APBA2: variants seen among roughly 807,000 people sequenced by gnomAD.
APBA2 encodes amyloid beta precursor protein binding family A member 2.
A neutral mutation model predicts 75.0 loss-of-function variants in APBA2; 30 were observed. That is an observed-to-expected ratio of 0.40 (90% CI 0.30 to 0.54). The LOEUF (loss-of-function observed/expected upper bound fraction) is 0.54. Ranked by LOEUF, APBA2 falls within the 20% of genes least tolerant of loss-of-function variation. The pLI, the probability that APBA2 is intolerant of heterozygous loss-of-function variation, is 0.49. For synonymous variants in APBA2, 444 were observed against 409.6 expected (o/e 1.08, Z -1.01); for missense variants, 801 against 1,016.1 (o/e 0.79, Z 2.88).
chr15:29,014,710 T>TG lies in APBA2; in HGVS notation c.-41+18904_-41+18905insG, dbSNP rs1423902011. Among the ~76,000 whole-genome samples, 84 of 151,548 alleles carry TG rather than the reference T, an allele frequency of 5.5e-4. No homozygotes were observed. The South Asian group carries it at 0.017, about 31-fold the overall frequency. ...ACTCAGTCATCATTTGACTGTTTTT[T>TG]TTTTTTTTTTTTTAAAGAGACAGGG... is the stretch of plus-strand genomic sequence containing the variant. On this transcript the variant is annotated intron_variant, in intron 3 of 14. Coordinates refer to ENST00000683413, the MANE Select transcript of APBA2 (RefSeq NM_001353788.2).
intron 1 of APBA2, among the ~76,000 whole-genome samples, chr15:28,890,986 T>C (rs1415812231): frequency 6.6e-6 from 1 of 152,194 alleles, no homozygotes; most frequent in African/African-American, 2.4e-5. Flanking sequence ...ATGTCTGTTG[T>C]TTTGTGTTTC....
intron 3 of APBA2, among the ~76,000 whole-genome samples, chr15:29,029,990 G>A (rs1236647730): frequency 2.0e-5 from 3 of 152,204 alleles, no homozygotes. Flanking sequence ...GTCCAGAGGT[G>A]GCTGGCCATG....
intron 2 of APBA2, among the ~76,000 whole-genome samples, chr15:28,964,778 G>A (rs1412739700): frequency 6.6e-6 from 1 of 151,906 alleles, no homozygotes; most frequent in Admixed American, 6.6e-5. Flanking sequence ...ATGAGCCACC[G>A]CACCTGGCCC....
At chr15:28,985,838 T>G (rs1165960168) in intron 2 of APBA2, among the ~76,000 whole-genome samples, 2 of 152,134 alleles carry the variant, frequency 1.3e-5, no homozygotes, top group African/African-American at 2.4e-5. Context: ...AGGAGAGAGA[T>G]AGAAGACAAA....
chr15:28,965,131 G>A (rs758549378), intron 2 of APBA2, among the ~76,000 whole-genome samples: 17 of 151,468 alleles, frequency 1.1e-4, no homozygotes, highest in Non-Finnish European at 1.8e-4. Context: ...TTCATTTTGC[G>A]TTAGTTTTTG....
chr15:28,908,315 G>GTTTT, intron 1 of APBA2, among the ~76,000 whole-genome samples: 1 of 137,596 alleles, frequency 7.3e-6, no homozygotes, highest in South Asian at 2.2e-4. Flanking sequence ...TTGTTTTCTT[G>GTTTT]TTTTTTTTTT....
intron 3 of APBA2, among the ~76,000 whole-genome samples, chr15:29,039,668 C>G (rs1377089119): frequency 1.3e-5 from 2 of 152,172 alleles, no homozygotes; most frequent in East Asian, 3.9e-4. Flanking sequence ...GTGACCTTTC[C>G]TGCCGATGAT....
chr15:28,983,880 G>T (rs1459942454), intron 2 of APBA2, among the ~76,000 whole-genome samples: 1 of 152,208 alleles, frequency 6.6e-6, no homozygotes, highest in African/African-American at 2.4e-5. Context: ...AAGCACCCAG[G>T]CCACTCTGTG....
intron 8 of APBA2, 52 bp from the exon 9 acceptor site, chr15:29,098,438 C>T: frequency 7.8e-7 from 1 of 1,286,102 alleles, no homozygotes; most frequent in South Asian, 1.2e-5. Context: ...TTTGCATGTC[C>T]TCTATTCCGA....
At chr15:29,015,789 A>T (rs1163404889) in intron 3 of APBA2, among the ~76,000 whole-genome samples, 1 of 152,124 alleles carries the variant, frequency 6.6e-6, no homozygotes. Flanking sequence ...GAGTGAAGGG[A>T]GTTCGGAGGA....
At chr15:29,034,906 G>A (rs1370853328) in intron 3 of APBA2, among the ~76,000 whole-genome samples, 3 of 152,156 alleles carry the variant, frequency 2.0e-5, no homozygotes, top group Non-Finnish European at 2.9e-5. Context: ...TAGACTCTGT[G>A]GTGGGTGTTT....
intron 2 of APBA2, among the ~76,000 whole-genome samples, chr15:28,985,583 G>A (rs538832691): frequency 2.6e-5 from 4 of 152,310 alleles, no homozygotes; most frequent in Admixed American, 6.5e-5. Context: ...TTTGGACTTC[G>A]TTTTTCTTGG....
In APBA2 at chr15:29,113,887, C is replaced by T; in HGVS notation, c.2049C>T (p.Leu683=). 1.2e-6 allele frequency: 2 copies of T among 1,612,012 alleles called. No homozygotes were observed. The highest frequency in any genetic ancestry group is 2.2e-5 in the East Asian group (1 of 44,870). The part of the protein sequence containing the change: ...FSVQNGIICS[L]MRGGIAERGG... The stretch of plus-strand genomic sequence containing the variant: ...CCATGTCTGCTTAGATCTGCAGCCT[C>T]ATGAGAGGGGGCATTGCTGAGCGAG... Residue 683 remains leucine (L), a synonymous_variant, in exon 14 of 15, where the codon CTC becomes CTT. Transcript: ENST00000683413.
rs548986471 is a variant in APBA2, at chr15:29,026,723, C to A, written c.-40-27122C>A. On this transcript the variant is annotated intron_variant, in intron 3 of 14. Coordinates refer to ENST00000683413, the MANE Select transcript of APBA2 (RefSeq NM_001353788.2). ...GGTCAGGAGATCAAGACCATCCTAT[C>A]TAACAAGGTGAAACCCCGTCTCTAC... Among the ~76,000 whole-genome samples, 268 of 151,542 alleles carry A rather than the reference C, an allele frequency of 1.8e-3. 1 individual carries two copies. Among genetic ancestry groups the A allele is most frequent in the African/African-American group, 6.5e-3 (266 of 41,162 alleles).
chr15:28,969,459 T>C (rs536055428), intron 2 of APBA2, among the ~76,000 whole-genome samples: 1 of 151,964 alleles, frequency 6.6e-6, no homozygotes, highest in South Asian at 2.1e-4. Flanking sequence ...GGATTACAGG[T>C]GTGAGCCACT....
At chr15:28,934,940 T>C (rs2034772265) in intron 2 of APBA2, among the ~76,000 whole-genome samples, 1 of 152,220 alleles carries the variant, frequency 6.6e-6, no homozygotes, top group Non-Finnish European at 1.5e-5. Flanking sequence ...TGCTCTGTTG[T>C]ACTGACACGC....
chr15:28,968,139 A>G (rs1566854095), intron 2 of APBA2, among the ~76,000 whole-genome samples: 1 of 152,268 alleles, frequency 6.6e-6, no homozygotes, highest in Non-Finnish European at 1.5e-5. Flanking sequence ...AGGCTGAATA[A>G]TACTCCACCG....
At chr15:28,940,356 CAAAAAA>C (rs398043111) in intron 2 of APBA2, among the ~76,000 whole-genome samples, 6 of 38,440 alleles carry the variant, frequency 1.6e-4, no homozygotes, top group African/African-American at 2.9e-4. Context: ...ACTAAAAATA[CAAAAAA>C]AAAAAAAAAA....
chr15:29,015,612 T>G (rs774544859), intron 3 of APBA2, among the ~76,000 whole-genome samples: 3 of 152,216 alleles, frequency 2.0e-5, no homozygotes, highest in Non-Finnish European at 4.4e-5. Flanking sequence ...CATTGTTAGT[T>G]GAGTGAATAC....
Sources: gnomAD v4.1 joint callset for allele counts (sites outside exome capture counted in the v4.1 genomes callset) on GRCh38, gnomAD v4.1.1 for gene constraint, MANE v1.5 for transcripts, NCBI Gene and HGNC (gene_info 2026-07-23, HGNC 2026-07-21) for gene names.